The following PBX3 variants were observed in gnomAD, a reference collection of about 807,000 sequenced individuals.
The protein encoded by PBX3 is PBX homeobox 3.
In PBX3, 14 loss-of-function variants were observed where a neutral mutation model predicts 48.5. The ratio of observed to expected loss-of-function variants is 0.29; its 90% confidence interval spans 0.19 to 0.45. The LOEUF (loss-of-function observed/expected upper bound fraction) is 0.45. Ranked by LOEUF, PBX3 falls within the 20% of genes least tolerant of loss-of-function variation. The probability of loss-of-function intolerance (pLI) is 1.00; values close to 1 mark genes in which losing one functional copy is unlikely to be tolerated. For synonymous variants in PBX3, 210 were observed against 200.3 expected, an observed-to-expected ratio of 1.05 and a Z score of -0.41; for missense variants, 386 against 546.7, an observed-to-expected ratio of 0.71 and a Z score of 2.93.
chr9:125,947,395 C>G (rs1000693269), intron 5 of PBX3, among the ~76,000 whole-genome samples: 1 of 152,074 alleles, frequency 6.6e-6, no homozygotes, highest in African/African-American at 2.4e-5. Context: ...TTCTAAGACT[C>G]TTACGTTTTC....
chr9:125,799,684 A>G (rs1837884269), intron 2 of PBX3, among the ~76,000 whole-genome samples: 1 of 152,264 alleles, frequency 6.6e-6, no homozygotes, highest in Non-Finnish European at 1.5e-5. Context: ...GAAGACATGT[A>G]GAGCAGATTC....
At chr9:125,889,215 AACTC>A (rs1243337927) in intron 2 of PBX3, among the ~76,000 whole-genome samples, 8 of 152,330 alleles carry the variant, frequency 5.3e-5, no homozygotes, top group Non-Finnish European at 1.2e-4. Context: ...TTCTTGGAAT[AACTC>A]ACTGACCCGT....
chr9:125,942,778 G>T (rs1472628304), intron 5 of PBX3, among the ~76,000 whole-genome samples: 2 of 152,192 alleles, frequency 1.3e-5, no homozygotes, highest in South Asian at 2.1e-4. Context: ...TATCCCAGTG[G>T]AGGTGGGACA....
chr9:125,835,523 A>G (rs1839107363), intron 2 of PBX3, among the ~76,000 whole-genome samples: 1 of 150,034 alleles, frequency 6.7e-6, no homozygotes, highest in African/African-American at 2.5e-5. Context: ...TCTATAGCAG[A>G]AAAAAAAAAT....
At chr9:125,857,149 A>C (rs1046124222) in intron 2 of PBX3, among the ~76,000 whole-genome samples, 8 of 152,208 alleles carry the variant, frequency 5.3e-5, no homozygotes, top group African/African-American at 1.9e-4. Flanking sequence ...TATAGGAAGG[A>C]AATATATCGT....
intron 2 of PBX3, among the ~76,000 whole-genome samples, chr9:125,755,630 G>T (rs531226607): frequency 1.3e-4 from 19 of 149,316 alleles, no homozygotes; most frequent in African/African-American, 4.4e-4. Context: ...GAAGCCATTT[G>T]CCTGTCAGTA....
At chr9:125,933,259 A>G (rs1296149124) in intron 4 of PBX3, among the ~76,000 whole-genome samples, 1 of 152,222 alleles carries the variant, frequency 6.6e-6, no homozygotes, top group Non-Finnish European at 1.5e-5. Context: ...TCCCATGCTC[A>G]TGTTTGCTTC....
chr9:125,897,579 A>G (rs536979100), intron 2 of PBX3, among the ~76,000 whole-genome samples: 4 of 152,026 alleles, frequency 2.6e-5, no homozygotes, highest in South Asian at 4.1e-4. Context: ...AAACCATTCT[A>G]AAATGTCACA....
At chr9:125,750,713 C>T (rs1252621646) in intron 2 of PBX3, among the ~76,000 whole-genome samples, 5 of 152,144 alleles carry the variant, frequency 3.3e-5, no homozygotes, top group Non-Finnish European at 7.3e-5. Flanking sequence ...CACATTTGCA[C>T]GTTATCTCTT....
At position 125,755,670 on chromosome 9, in the gene PBX3, T is replaced by G. The variant is rs1836494202; in HGVS notation, c.274+7047T>G. Among the ~76,000 whole-genome samples the G allele has an allele frequency of 4.9e-5, 7 of 142,732 alleles. No individual in the cohort carries two copies. In the South Asian group the frequency reaches 1.3e-3, roughly 27 times the overall value. 93.6% of individuals were successfully genotyped at this position (142,732 alleles called of 152,430 possible). A position where few individuals can be genotyped will look rare whatever the true frequency, so the allele number is the denominator to read the frequency against. ...GAGAGCTTTAGCATCAGGAGGAGCT[T>G]TGTTTTTTTTTTTTTTTTTTTTTTG... On this transcript the variant is annotated intron_variant, in intron 2 of 8. Coordinates refer to ENST00000373489, the MANE Select transcript of PBX3 (RefSeq NM_006195.6).
intron 2 of PBX3, among the ~76,000 whole-genome samples, chr9:125,815,693 G>GGTGT (rs35255670): frequency 4.0e-5 from 6 of 149,590 alleles, no homozygotes; most frequent in South Asian, 2.1e-4. Context: ...GCAGTGACTG[G>GGTGT]GTGTGTGTGT....
intron 8 of PBX3, among the ~76,000 whole-genome samples, chr9:125,964,975 C>T (rs572335507): frequency 4.1e-4 from 62 of 152,298 alleles, no homozygotes; most frequent in Non-Finnish European, 6.5e-4. Flanking sequence ...AGCCTGCTCA[C>T]CCTCACCTCC....
intron 3 of PBX3, among the ~76,000 whole-genome samples, chr9:125,926,990 A>G (rs1055746722): frequency 6.6e-6 from 1 of 152,220 alleles, no homozygotes; most frequent in African/African-American, 2.4e-5. Flanking sequence ...TTTTAAAATT[A>G]TAGACTGAGA....
At chr9:125,844,429 C>A (rs1839374135) in intron 2 of PBX3, 1 of 151,442 alleles carries the variant, frequency 6.6e-6, no homozygotes, top group Non-Finnish European at 1.5e-5. Context: ...TATAAAATGT[C>A]AAAATATTAC....
intron 2 of PBX3, among the ~76,000 whole-genome samples, chr9:125,831,707 G>A (rs531205214): frequency 1.3e-5 from 2 of 151,994 alleles, no homozygotes; most frequent in Non-Finnish European, 2.9e-5. Flanking sequence ...TGTATATGTA[G>A]TGTGTTTTAA....
At chr9:125,837,601 A>G (rs1258679248) in intron 2 of PBX3, among the ~76,000 whole-genome samples, 1 of 152,072 alleles carries the variant, frequency 6.6e-6, no homozygotes, top group African/African-American at 2.4e-5. Context: ...ATAATACTTA[A>G]GGTTAATAAA....
chr9:125,801,885 C>G lies in PBX3; in HGVS notation c.274+53262C>G, dbSNP rs528667366. Among the ~76,000 whole-genome samples the G allele has an allele frequency of 9.9e-5, 15 of 150,976 alleles. No homozygotes were observed. The South Asian group carries it at 2.9e-3, about 29-fold the overall frequency. On this transcript the variant is annotated intron_variant, in intron 2 of 8. Transcript: ENST00000373489. The stretch of plus-strand genomic sequence containing the variant: ...GACTTGGTATGGTTAAAACTAAAAA[C>G]TCCAGTGTATATTTCATTTTTTTGA...
chr9:125,864,139 A>G (rs1489948638), intron 2 of PBX3, among the ~76,000 whole-genome samples: 2 of 152,204 alleles, frequency 1.3e-5, no homozygotes, highest in African/African-American at 4.8e-5. Context: ...TAAAATGATG[A>G]TATACTTTGG....
chr9:125,840,632 A>G (rs930663957), intron 2 of PBX3, among the ~76,000 whole-genome samples: 3 of 151,852 alleles, frequency 2.0e-5, no homozygotes, highest in Non-Finnish European at 2.9e-5. Context: ...ATTTTATAAC[A>G]CTAGTATTCT....
Sources: gnomAD v4.1 joint callset for allele counts (sites outside exome capture counted in the v4.1 genomes callset) on GRCh38, gnomAD v4.1.1 for gene constraint, MANE v1.5 for transcripts, NCBI Gene and HGNC (gene_info 2026-07-23, HGNC 2026-07-21) for gene names.